The following MEF2D variants were observed in gnomAD, a reference collection of about 807,000 sequenced individuals.
The protein encoded by MEF2D is myocyte-specific enhancer factor 2D.
Under a neutral mutation model 59.3 loss-of-function variants are expected in MEF2D, and 10 were observed. The ratio of observed to expected loss-of-function variants is 0.17; its 90% confidence interval spans 0.10 to 0.29. MEF2D has a LOEUF of 0.29. MEF2D is among the 10% of genes least tolerant of loss of function. The pLI is 1.00. For missense variants in MEF2D, 508 were observed against 699.4 expected (o/e 0.73, Z 3.09); for synonymous variants, 305 against 295.0 (o/e 1.03, Z -0.35).
chr1:156,473,559 G>A (rs571385364), intron 9 of MEF2D, among the ~76,000 whole-genome samples: 2 of 152,334 alleles, frequency 1.3e-5, no homozygotes, highest in African/African-American at 4.8e-5. Flanking sequence ...TGAAACAAGG[G>A]GACAAGGCGT....
intron 1 of MEF2D, among the ~76,000 whole-genome samples, chr1:156,487,804 C>T (rs1672467509): frequency 6.6e-6 from 1 of 152,246 alleles, no homozygotes; most frequent in Non-Finnish European, 1.5e-5. Flanking sequence ...TCCTCTCCAG[C>T]CTCACCTGGC....
chr1:156,481,138 C>T (rs901407658), intron 3 of MEF2D, among the ~76,000 whole-genome samples, 167 bp from the exon 4 acceptor site: 12 of 152,166 alleles, frequency 7.9e-5, no homozygotes, highest in Non-Finnish European at 1.5e-4. Context: ...CCTGGGGCAT[C>T]GTGTGAAGAT....
intron 1 of MEF2D, among the ~76,000 whole-genome samples, chr1:156,487,029 T>C (rs1226743826): frequency 6.6e-6 from 1 of 152,024 alleles, no homozygotes; most frequent in Non-Finnish European, 1.5e-5. Context: ...TCCTCAACCC[T>C]CCCCACCCTC....
In MEF2D at chr1:156,468,960, A is replaced by T; in HGVS notation, c.1067T>A (p.Leu356Gln). The T allele has an allele frequency of 1.9e-6, 3 of 1,613,816 alleles. No individual in the cohort carries two copies. The highest frequency in any genetic ancestry group is 2.5e-6 in the Non-Finnish European group (3 of 1,179,786). ...CCAGGCAGTGACATTGCCTAGCGAC[A>T]GCCCCCCAGGTGAACTAAAGGCTGG... The part of the protein sequence containing the change: ...SLPAFSSPGG[L>Q]SLGNVTAWQQ... The change falls in exon 10 of 12, where the codon CTG becomes CAG. Residue 356 changes from leucine to glutamine, a missense_variant. Transcript: ENST00000348159. This position sits in a 1 kb window ranked among gnomAD's most constrained non-coding sequence, Gnocchi z 4.3.
At chr1:156,476,406 C>T (rs1349923532) in intron 8 of MEF2D, 88 bp downstream of exon 8, 2 of 1,470,664 alleles carry the variant, frequency 1.4e-6, no homozygotes, top group East Asian at 4.6e-5. Context: ...GGCGAGAGGC[C>T]AAGGACGCAC....
chr1:156,494,355 A>G (rs754380635), intron 1 of MEF2D, among the ~76,000 whole-genome samples: 8 of 152,010 alleles, frequency 5.3e-5, no homozygotes, highest in Non-Finnish European at 1.2e-4. Context: ...AACCCTAGGT[A>G]TTTGCTGGTG....
In MEF2D at chr1:156,476,791, C is replaced by T. The variant is rs1332234744; in HGVS notation, c.855+221G>A. 1.1e-5 allele frequency: 7 copies of T among 648,936 alleles called. No individual in the cohort carries two copies. In the East Asian group the frequency reaches 1.9e-4, roughly 18 times the overall value. 40.2% of individuals were successfully genotyped at this position (648,936 alleles called of 1,614,324 possible). A position where few individuals can be genotyped will look rare whatever the true frequency, so the allele number is the denominator to read the frequency against. ...CCTCCCCACCACTTCTCTCTCACCTCCTGCCCCTTTTTACTGCCTTAGGCT... is the reference window on the plus strand; with the variant it reads ...CCTCCCCACCACTTCTCTCTCACCTTCTGCCCCTTTTTACTGCCTTAGGCT... On this transcript the variant is annotated intron_variant, in intron 7 of 11. Transcript: ENST00000348159.
At chr1:156,470,930 T>C (rs997386439) in intron 9 of MEF2D, among the ~76,000 whole-genome samples, 4 of 152,170 alleles carry the variant, frequency 2.6e-5, no homozygotes, top group African/African-American at 9.7e-5. Flanking sequence ...CAGGACTCTA[T>C]TACCTTTAAA....
intron 9 of MEF2D, among the ~76,000 whole-genome samples, chr1:156,469,652 G>A (rs192080020): frequency 2.7e-4 from 41 of 151,250 alleles, no homozygotes; most frequent in African/African-American, 9.2e-4. Flanking sequence ...ACTTTGAGAG[G>A]TCAAGGCAGA....
At chr1:156,497,079 C>A (rs911605834) in intron 1 of MEF2D, among the ~76,000 whole-genome samples, 8 of 152,348 alleles carry the variant, frequency 5.3e-5, no homozygotes, top group Non-Finnish European at 8.8e-5. Context: ...AGCTTCCCCA[C>A]TGGGAAGTTC....
intron 6 of MEF2D, among the ~76,000 whole-genome samples, chr1:156,478,639 T>C (rs965311992): frequency 1.9e-4 from 29 of 152,154 alleles, no homozygotes; most frequent in Non-Finnish European, 4.0e-4. Context: ...TAAGCGATTC[T>C]CCTGCCTCAG....
chr1:156,483,415 C>A lies in MEF2D; in HGVS notation c.-123G>T, dbSNP rs778259128. 2.2e-6 allele frequency: 2 copies of A among 916,444 alleles called. No individual in the cohort carries two copies. Among genetic ancestry groups the A allele is most frequent in the Non-Finnish European group, 3.5e-6 (2 of 565,552 alleles). 56.8% of individuals were successfully genotyped at this position (916,444 alleles called of 1,614,324 possible). On this transcript the variant is annotated 5_prime_UTR_variant, in exon 2 of 12. Coordinates refer to ENST00000348159, the MANE Select transcript of MEF2D (RefSeq NM_005920.4). ...TGCTCAGTTCATGGTCTGCAGGATA[C>A]CTTCTGCACAGCCTCCTGGAAAGGG...
rs756010895 is a variant in MEF2D, at chr1:156,476,476, G to A, written c.876+18C>T. ...CCAGAATTCAAAGCCACAGCAAAGAGCTCACAGCCTCACTTACCAGATCTA... is the reference window on the plus strand; with the variant it reads ...CCAGAATTCAAAGCCACAGCAAAGAACTCACAGCCTCACTTACCAGATCTA... On this transcript the variant is annotated intron_variant, in intron 8 of 11. Transcript: ENST00000348159. The A allele has an allele frequency of 1.6e-5, 25 of 1,611,108 alleles. No individual in the cohort carries two copies. The highest frequency in any genetic ancestry group is 5.0e-5 in the Admixed American group (3 of 59,574).
rs770927797 is a variant in MEF2D, at chr1:156,475,159, A to G, written c.955T>C (p.Leu319=). Residue 319 remains leucine, a synonymous_variant, in exon 9 of 12, where the codon TTA becomes CTA. Coordinates refer to ENST00000348159, the MANE Select transcript of MEF2D (RefSeq NM_005920.4). ...GAGAAGGGGAGGCCCTGGCTGAGTA[A>G]ACTCGGCGTTGCCACAGAAACCACT... ...TPVVSVATPS[L]LSQGLPFSSM... is the part of the protein sequence containing the mutation. The G allele has an allele frequency of 1.2e-6, 2 of 1,614,108 alleles. No homozygotes were observed. The highest frequency in any genetic ancestry group is 2.7e-5 in the African/African-American group (2 of 74,952).
At chr1:156,487,776 T>C (rs1672465413) in intron 1 of MEF2D, among the ~76,000 whole-genome samples, 1 of 152,212 alleles carries the variant, frequency 6.6e-6, no homozygotes, top group East Asian at 1.9e-4. Context: ...GGGCATCTGT[T>C]CTCCAGATGT....
At chr1:156,474,994 A>C (rs1671471076) in intron 9 of MEF2D, 114 bp downstream of exon 9, 2 of 1,478,276 alleles carry the variant, frequency 1.4e-6, no homozygotes, top group Non-Finnish European at 1.8e-6. Flanking sequence ...GGTTCCCCCA[A>C]ATCAGTAGCC....
intron 1 of MEF2D, among the ~76,000 whole-genome samples, chr1:156,489,176 C>T (rs1223746153): frequency 6.6e-6 from 1 of 152,142 alleles, no homozygotes; most frequent in African/African-American, 2.4e-5. Context: ...CAGGCTGCTC[C>T]GGGCTGCAGG....
chr1:156,487,182 C>A (rs1174723776), intron 1 of MEF2D, among the ~76,000 whole-genome samples: 3 of 152,192 alleles, frequency 2.0e-5, no homozygotes, highest in Non-Finnish European at 4.4e-5. Flanking sequence ...GCCCCCCCCA[C>A]CCCCGCCTCA....
At chr1:156,471,027 G>T (rs1671204417) in intron 9 of MEF2D, among the ~76,000 whole-genome samples, 1 of 152,138 alleles carries the variant, frequency 6.6e-6, no homozygotes, top group African/African-American at 2.4e-5. Context: ...GCAGAGCAAG[G>T]GCAGAAACGG....
Sources: gnomAD v4.1 joint callset for allele counts (sites outside exome capture counted in the v4.1 genomes callset) on GRCh38, gnomAD v4.1.1 for gene constraint, Gnocchi (gnomAD v3.1) non-coding constraint, MANE v1.5 for transcripts, NCBI Gene and HGNC (gene_info 2026-07-23, HGNC 2026-07-21) for gene names.